The following DPPA2 variants were observed in gnomAD, a reference collection of about 807,000 sequenced individuals.
DPPA2 encodes the protein developmental pluripotency-associated protein 2.
A neutral mutation model predicts 36.2 loss-of-function variants in DPPA2; 26 were observed. The observed-to-expected ratio is 0.72, with a 90% CI of 0.53 to 1.00. The LOEUF is 1.00. DPPA2 is among the 50% of genes least tolerant of loss of function. The pLI, the probability that DPPA2 is intolerant of heterozygous loss-of-function variation, is 0.00. For synonymous variants in DPPA2, 113 were observed against 123.2 expected, an observed-to-expected ratio of 0.92 and a Z score of 0.55; for missense variants, 361 against 365.1, an observed-to-expected ratio of 0.99 and a Z score of 0.09.
intron 8 of DPPA2, among the ~76,000 whole-genome samples, chr3:109,299,854 C>T (rs1707427855): frequency 1.3e-5 from 2 of 150,426 alleles, no homozygotes; most frequent in South Asian, 4.2e-4. Context: ...CTCCTGGGTG[C>T]AAGTGATCCT....
chr3:109,302,380 G>A (rs138564133), intron 7 of DPPA2, among the ~76,000 whole-genome samples: 9 of 152,230 alleles, frequency 5.9e-5, no homozygotes, highest in African/African-American at 1.9e-4. Flanking sequence ...CTTTGTCAGT[G>A]TAATGAATTA....
rs1452775948 is a variant in DPPA2, at chr3:109,304,593, C to A, written c.736G>T (p.Gly246Cys). 6.2e-7 allele frequency: 1 copy of A among 1,613,938 alleles called. No individual in the cohort carries two copies. The highest frequency in any genetic ancestry group is 1.3e-5 in the African/African-American group (1 of 74,898). The change falls in exon 7 of 9, where the codon GGT (glycine) becomes TGT (cysteine). Residue 246 changes from glycine (G) to cysteine (C), a missense_variant. By Grantham distance (159) the Gly-to-Cys change is radical (BLOSUM62 -3). Transcript: ENST00000478945. The stretch of plus-strand genomic sequence containing the variant: ...TGAGTGGTAGGCACCCAGGCCTGAC[C>A]TGCATGAAACTGCAGGCGTACCCAA... ...KGWVRLQFHA[G>C]QAWVPTTHRR... is the part of the protein sequence containing the mutation.
intron 8 of DPPA2, 65 bp from the exon 9 acceptor site, chr3:109,294,069 AAG>A (rs1707310262): frequency 6.6e-6 from 1 of 152,312 alleles, no homozygotes; most frequent in Middle Eastern, 3.4e-3. Context: ...GTTTGGGGTC[AAG>A]AGAGTTAGGG....
intron 6 of DPPA2, among the ~76,000 whole-genome samples, chr3:109,305,976 GAA>G (rs1170758014): frequency 6.6e-6 from 1 of 152,098 alleles, no homozygotes; most frequent in African/African-American, 2.4e-5. Context: ...AAAGTGTAAG[GAA>G]CAATTTAATT....
intron 8 of DPPA2, among the ~76,000 whole-genome samples, chr3:109,299,133 G>C (rs1357502142): frequency 1.3e-5 from 2 of 151,852 alleles, no homozygotes; most frequent in African/African-American, 4.8e-5. Flanking sequence ...TGAGGCAGGT[G>C]GATCACCTGA....
At chr3:109,294,976 G>C (rs1382124766) in intron 8 of DPPA2, among the ~76,000 whole-genome samples, 1 of 152,060 alleles carries the variant, frequency 6.6e-6, no homozygotes, top group Admixed American at 6.6e-5. Context: ...AGCCAAGATT[G>C]CACCACTGTA....
chr3:109,311,648 G>A (rs1475553632), intron 3 of DPPA2, among the ~76,000 whole-genome samples: 1 of 151,854 alleles, frequency 6.6e-6, no homozygotes, highest in Non-Finnish European at 1.5e-5. Context: ...GCTGAGGCAG[G>A]AGAATCGCTT....
At chr3:109,312,290 C>A (rs550157126) in intron 3 of DPPA2, among the ~76,000 whole-genome samples, 1 of 152,114 alleles carries the variant, frequency 6.6e-6, no homozygotes, top group African/African-American at 2.4e-5. Context: ...GCCAAGACTG[C>A]GCCACTGCAC....
intron 8 of DPPA2, among the ~76,000 whole-genome samples, chr3:109,294,452 A>T (rs184783483): frequency 3.3e-5 from 5 of 152,296 alleles, no homozygotes; most frequent in Non-Finnish European, 7.3e-5. Flanking sequence ...GCTCATTCTA[A>T]AACAGTCTGC....
Position 109,309,074 on chromosome 3 carries a change from G to A in DPPA2, c.348C>T (p.Ile116=), listed in dbSNP as rs749652172. ...QLGLSTNGKK[I]EVYLRLHRHA... ...GCCTATGAAGCCTCAGATAAACTTCGATTTTCTTAGGAAATGAAGAGAGAG... is the reference window on the plus strand; with the variant it reads ...GCCTATGAAGCCTCAGATAAACTTCAATTTTCTTAGGAAATGAAGAGAGAG... The change falls in exon 5 of 9, where the codon ATC becomes ATT. Residue 116 remains isoleucine, a synonymous_variant. Transcript: ENST00000478945. 1.9e-6 allele frequency: 3 copies of A among 1,613,960 alleles called. No homozygotes were observed. Among genetic ancestry groups the A allele is most frequent in the East Asian group, 4.5e-5 (2 of 44,878 alleles).
chr3:109,304,047 G>A (rs1042471178), intron 7 of DPPA2, among the ~76,000 whole-genome samples: 1 of 151,946 alleles, frequency 6.6e-6, no homozygotes, highest in South Asian at 2.1e-4. Context: ...CGAGGCGGGC[G>A]GATCATGAGG....
chr3:109,308,641 C>T (rs1359110713), intron 5 of DPPA2, among the ~76,000 whole-genome samples: 1 of 152,220 alleles, frequency 6.6e-6, no homozygotes, highest in African/African-American at 2.4e-5. Flanking sequence ...GGATTACAGG[C>T]ATGAGCCACC....
At chr3:109,297,579 TA>T (rs1361415622) in intron 8 of DPPA2, among the ~76,000 whole-genome samples, 2 of 150,226 alleles carry the variant, frequency 1.3e-5, no homozygotes, top group Non-Finnish European at 1.5e-5. Context: ...TTAGAATGGC[TA>T]AAATCCAAAC....
At chr3:109,300,223 G>A in intron 8 of DPPA2, 148 bp downstream of exon 8, 1 of 646,292 alleles carries the variant, frequency 1.5e-6, no homozygotes. Context: ...CTTCCTGGTA[G>A]ACAGCAGACA....
intron 1 of DPPA2, 75 bp from the exon 2 acceptor site, chr3:109,314,630 C>A (rs1303945050): frequency 2.1e-6 from 3 of 1,399,442 alleles, no homozygotes; most frequent in Non-Finnish European, 2.9e-6. Flanking sequence ...CTTTTATAAG[C>A]AAATGTTTCC....
At chr3:109,311,496 T>C (rs1707708677) in intron 3 of DPPA2, among the ~76,000 whole-genome samples, 1 of 152,158 alleles carries the variant, frequency 6.6e-6, no homozygotes, top group South Asian at 2.1e-4. Context: ...TCCCAGCACT[T>C]TGGGAGGCCA....
intron 8 of DPPA2, among the ~76,000 whole-genome samples, chr3:109,298,717 A>AAATAATAATAATAAT (rs56968344): frequency 2.8e-5 from 4 of 141,908 alleles, no homozygotes; most frequent in African/African-American, 1.0e-4. Context: ...TTCTGTCTAA[A>AAATAATAATAATAAT]AATAATAATA....
rs1422318083 is a variant in DPPA2 at position 109,308,273 on chromosome 3, T to A, written c.417A>T (p.Gln139His). 6.2e-7 allele frequency: 1 copy of A among 1,614,230 alleles called. No homozygotes were observed. Among genetic ancestry groups the A allele is most frequent in the South Asian group, 1.1e-5 (1 of 91,086 alleles). The change falls in exon 6 of 9, where the codon CAA (glutamine) becomes CAT (histidine). Residue 139 changes from glutamine to histidine, a missense_variant. Transcript: ENST00000478945. The stretch of plus-strand genomic sequence containing the variant: ...TCGAACATCGCTGTAATCTGGTCTC[T>A]TGTGACATTTCAGGCATATCCTGCA... Reference protein sequence around the residue: ...EQRQDMPEMSQETRLQRCSRK... With the variant: ...EQRQDMPEMSHETRLQRCSRK...
intron 3 of DPPA2, among the ~76,000 whole-genome samples, chr3:109,311,813 C>G (rs1332552858): frequency 6.6e-6 from 1 of 151,954 alleles, no homozygotes; most frequent in African/African-American, 2.4e-5. Context: ...AGACACTGAG[C>G]ACAGATACAA....
Sources: gnomAD v4.1 joint callset for allele counts (sites outside exome capture counted in the v4.1 genomes callset) on GRCh38, gnomAD v4.1.1 for gene constraint, MANE v1.5 for transcripts, NCBI Gene and HGNC (gene_info 2026-07-23, HGNC 2026-07-21) for gene names.